Variants in DNM3 observed in about 807,000 individuals in gnomAD.
DNM3 encodes the protein dynamin 3.
A neutral mutation model predicts 101.6 loss-of-function variants in DNM3; 47 were observed. That is an observed-to-expected ratio of 0.46 (90% CI 0.37 to 0.59). The LOEUF (loss-of-function observed/expected upper bound fraction) is 0.59, where lower values mean the gene tolerates loss of function less well. DNM3 is among the 20% of genes least tolerant of loss of function. The pLI, the probability that DNM3 is intolerant of heterozygous loss-of-function variation, is 0.00. For synonymous variants in DNM3, 385 were observed against 387.9 expected (o/e 0.99, Z 0.09); for missense variants, 849 against 1,085.7 (o/e 0.78, Z 3.06).
chr1:172,172,401 T>A (rs473629), intron 14 of DNM3, among the ~76,000 whole-genome samples: 73,636 of 151,442 alleles, frequency 0.49, 19,466 homozygotes, highest in African/African-American at 0.7. Context: ...TAACAGGTGG[T>A]TAGCAAAGAC....
chr1:171,905,687 G>A (rs1017995341), intron 1 of DNM3, among the ~76,000 whole-genome samples: 3 of 152,162 alleles, frequency 2.0e-5, no homozygotes, highest in Non-Finnish European at 2.9e-5. Flanking sequence ...ACATAATGAG[G>A]TGGTTAAAAG....
At chr1:172,236,634 A>G (rs1358186331) in intron 14 of DNM3, among the ~76,000 whole-genome samples, 1 of 151,958 alleles carries the variant, frequency 6.6e-6, no homozygotes. Flanking sequence ...GGGGAAGAAG[A>G]AGGGGGTAGA....
At chr1:172,264,516 G>T (rs985495684) in intron 15 of DNM3, among the ~76,000 whole-genome samples, 16 of 152,174 alleles carry the variant, frequency 1.1e-4, no homozygotes, top group African/African-American at 3.9e-4. Flanking sequence ...CTCATTCCTT[G>T]CCTTTAGATG....
intron 19 of DNM3, among the ~76,000 whole-genome samples, chr1:172,388,173 G>A (rs2149079492): frequency 1.3e-5 from 2 of 152,086 alleles, no homozygotes; most frequent in South Asian, 4.1e-4. Context: ...GTCAGAGGTT[G>A]CAGTGAGCCG....
At chr1:171,986,341 T>C (rs966636811) in intron 2 of DNM3, among the ~76,000 whole-genome samples, 1 of 152,186 alleles carries the variant, frequency 6.6e-6, no homozygotes, top group Admixed American at 6.5e-5. Context: ...AATCCTTAGC[T>C]TTTTGAGTTA....
chr1:172,133,285 C>G (rs955794574), intron 14 of DNM3: 2 of 1,042,392 alleles, frequency 1.9e-6, no homozygotes, highest in Non-Finnish European at 2.3e-6. Context: ...CTCATCTCCT[C>G]TCCTCCAGAC....
chr1:172,121,439 G>A (rs1440492714), intron 13 of DNM3, among the ~76,000 whole-genome samples: 2 of 152,218 alleles, frequency 1.3e-5, no homozygotes, highest in African/African-American at 4.8e-5. Context: ...AAGATAGTGC[G>A]GAAGCCTAGT....
chr1:171,848,727 T>G (rs140205136), intron 1 of DNM3, among the ~76,000 whole-genome samples: 2 of 152,224 alleles, frequency 1.3e-5, no homozygotes, highest in African/African-American at 2.4e-5. Flanking sequence ...TTAGAGTGCA[T>G]TGAGTGACAT....
At chr1:172,057,720 G>A (rs1212514005) in intron 10 of DNM3, among the ~76,000 whole-genome samples, 14 of 151,668 alleles carry the variant, frequency 9.2e-5, no homozygotes, top group Non-Finnish European at 1.8e-4. Flanking sequence ...GGAACAACCG[G>A]TACCAGCCGC....
chr1:171,965,171 C>T (rs956302759), intron 2 of DNM3, among the ~76,000 whole-genome samples: 1 of 152,090 alleles, frequency 6.6e-6, no homozygotes, highest in Non-Finnish European at 1.5e-5. Context: ...GTTCACATGA[C>T]CCCTTCCTCA....
At chr1:172,156,613 T>G (rs985996866) in intron 14 of DNM3, among the ~76,000 whole-genome samples, 6 of 149,694 alleles carry the variant, frequency 4.0e-5, no homozygotes, top group Non-Finnish European at 7.4e-5. Context: ...TCTCCTCCTT[T>G]CCCTCCTCCT....
intron 4 of DNM3, among the ~76,000 whole-genome samples, chr1:172,011,866 C>G (rs1053376732): frequency 1.3e-5 from 2 of 151,992 alleles, no homozygotes; most frequent in African/African-American, 4.8e-5. Context: ...TTCTTAAATA[C>G]TCTGCTTTAA....
At chr1:172,283,827 T>C (rs1173482116) in intron 15 of DNM3, among the ~76,000 whole-genome samples, 1 of 147,968 alleles carries the variant, frequency 6.8e-6, no homozygotes, top group Non-Finnish European at 1.5e-5. Flanking sequence ...TTTATTGAGA[T>C]GTAAGAGGGT....
chr1:171,964,269 A>C (rs1413838160), intron 2 of DNM3, among the ~76,000 whole-genome samples: 1 of 152,138 alleles, frequency 6.6e-6, no homozygotes, highest in African/African-American at 2.4e-5. Flanking sequence ...GATAAGAAAC[A>C]TTTACAGTCT....
chr1:172,396,741 G>A (rs550974273), intron 20 of DNM3, among the ~76,000 whole-genome samples: 1 of 152,076 alleles, frequency 6.6e-6, no homozygotes, highest in Non-Finnish European at 1.5e-5. Flanking sequence ...ATTTTCATGA[G>A]GTAACATTAT....
chr1:172,156,516 A>T (rs891698385), intron 14 of DNM3, among the ~76,000 whole-genome samples: 1 of 152,068 alleles, frequency 6.6e-6, no homozygotes, highest in African/African-American at 2.4e-5. Flanking sequence ...TAATTCCTAG[A>T]AAGACACTAG....
At position 172,033,255 on chromosome 1, in the gene DNM3, T is replaced by C. The variant is rs1034049573; in HGVS notation, c.839T>C (p.Val280Ala). 7.5e-6 allele frequency: 12 copies of C among 1,598,048 alleles called. No individual in the cohort carries two copies. Among genetic ancestry groups the C allele is most frequent in the African/African-American group, 2.7e-5 (2 of 74,630 alleles). ...DRMGTPHLQK[V>A]LNQQLTNHIR... The stretch of plus-strand genomic sequence containing the variant: ...ATGGGAACCCCACACCTGCAGAAGG[T>C]CCTTAATCAGGTAAAAATGTTCTTT... Residue 280 changes from valine (V) to alanine (A), a missense_variant, in exon 6 of 21, where the codon GTC becomes GCC. This residue lies in a region of DNM3 where 388 missense variants were observed against 483.0 expected (regional missense o/e 0.80). Coordinates refer to ENST00000627582, the MANE Select transcript of DNM3 (RefSeq NM_015569.5).
chr1:172,358,502 A>T (rs1292473295), intron 17 of DNM3, among the ~76,000 whole-genome samples: 1 of 152,136 alleles, frequency 6.6e-6, no homozygotes. Flanking sequence ...GCTATCTCAC[A>T]GGATGTGAGT....
chr1:172,373,275 A>C (rs2068440000), intron 17 of DNM3, among the ~76,000 whole-genome samples: 1 of 152,092 alleles, frequency 6.6e-6, no homozygotes, highest in Non-Finnish European at 1.5e-5. Flanking sequence ...GTAAAGAAAC[A>C]TCTTGATCCC....
Sources: gnomAD v4.1 joint callset for allele counts (sites outside exome capture counted in the v4.1 genomes callset) on GRCh38, gnomAD v4.1.1 for gene constraint, gnomAD v4.1.1 regional missense constraint, MANE v1.5 for transcripts, NCBI Gene and HGNC (gene_info 2026-07-23, HGNC 2026-07-21) for gene names.